RTTN: variants seen among roughly 807,000 people sequenced by gnomAD.
RTTN encodes rotatin.
In RTTN, 182 loss-of-function variants were observed where a neutral mutation model predicts 269.2. The observed-to-expected ratio is 0.68, with a 90% CI of 0.60 to 0.76. The LOEUF is 0.76. RTTN is among the 30% of genes least tolerant of loss of function. The probability of loss-of-function intolerance (pLI) is 0.00; values close to 1 mark genes in which losing one functional copy is unlikely to be tolerated. For missense variants in RTTN, 2,545 were observed against 2,608.6 expected (o/e 0.98, Z 0.53); for synonymous variants, 1,006 against 963.5 (o/e 1.04, Z -0.82).
chr18:70,019,668 T>A (rs1208073265), intron 45 of RTTN: 1 of 152,122 alleles, frequency 6.6e-6, no homozygotes, highest in Non-Finnish European at 1.5e-5. Context: ...CAATGTAACA[T>A]CAACTGGAAT....
intron 14 of RTTN, among the ~76,000 whole-genome samples, chr18:70,154,017 T>C: frequency 6.6e-6 from 1 of 152,150 alleles, no homozygotes; most frequent in East Asian, 1.9e-4. Flanking sequence ...TTTTATTTTA[T>C]CTCCTTCTAC....
chr18:70,139,945 C>A, intron 20 of RTTN, 155 bp downstream of exon 20: 1 of 650,772 alleles, frequency 1.5e-6, no homozygotes. Context: ...ATAGAGACTC[C>A]ACTTTTCGAA....
chr18:70,181,423 TA>T (rs1358877019), intron 10 of RTTN, among the ~76,000 whole-genome samples: 1 of 152,190 alleles, frequency 6.6e-6, no homozygotes, highest in Non-Finnish European at 1.5e-5. Flanking sequence ...GATGGAGGAC[TA>T]GGGGGAATGA....
At chr18:70,145,522 C>A in intron 18 of RTTN, 90 bp downstream of exon 18, 1 of 958,798 alleles carries the variant, frequency 1.0e-6, no homozygotes, top group Non-Finnish European at 1.5e-6. Flanking sequence ...CTCCCCAGGA[C>A]ATACACAAAC....
intron 28 of RTTN, among the ~76,000 whole-genome samples, chr18:70,099,596 T>C (rs568432945): frequency 6.6e-6 from 1 of 152,324 alleles, no homozygotes; most frequent in Admixed American, 6.5e-5. Flanking sequence ...TAGATCCCAT[T>C]TGTCTATTTT....
In RTTN at chr18:70,139,729, G is replaced by A. The variant is rs2060210735; in HGVS notation, c.2671-13C>T. On this transcript the variant is annotated splice_polypyrimidine_tract_variant and intron_variant, in intron 20 of 48. Coordinates refer to ENST00000640769, the MANE Select transcript of RTTN (RefSeq NM_173630.4). ...AACATTCTACAACCTGGGCCAGGAG[G>A]AAAAACACAGCTTTTCATTTTCACC... 1.4e-6 allele frequency: 2 copies of A among 1,471,138 alleles called. No individual in the cohort carries two copies. The highest frequency in any genetic ancestry group is 1.9e-6 in the Non-Finnish European group (2 of 1,052,754). The allele number at this position is 1,471,138 out of a possible 1,614,324, so 91.1% of individuals were successfully genotyped here. A position where few individuals can be genotyped will look rare whatever the true frequency, so the allele number is the denominator to read the frequency against.
intron 26 of RTTN, among the ~76,000 whole-genome samples, chr18:70,117,689 A>G (rs1468059738): frequency 1.3e-5 from 2 of 152,084 alleles, no homozygotes; most frequent in African/African-American, 4.8e-5. Context: ...ATTATAAAAT[A>G]TACATAAACC....
At chr18:70,082,706 T>C (rs2058601617) in intron 32 of RTTN, among the ~76,000 whole-genome samples, 1 of 152,104 alleles carries the variant, frequency 6.6e-6, no homozygotes. Context: ...GTTTTTGTTT[T>C]TAGAGACAGG....
At chr18:70,105,343 G>T (rs2059293727) in intron 28 of RTTN, among the ~76,000 whole-genome samples, 1 of 152,202 alleles carries the variant, frequency 6.6e-6, no homozygotes, top group Admixed American at 6.5e-5. Context: ...TAAGACCATT[G>T]GAAAAGCACA....
intron 32 of RTTN, among the ~76,000 whole-genome samples, chr18:70,083,799 T>A (rs1353505254): frequency 6.6e-6 from 1 of 151,900 alleles, no homozygotes; most frequent in Non-Finnish European, 1.5e-5. Context: ...GTAAGCTGGG[T>A]GTGGCAGCAT....
At chr18:70,038,298 G>C (rs944806583) in intron 40 of RTTN, among the ~76,000 whole-genome samples, 4 of 152,170 alleles carry the variant, frequency 2.6e-5, no homozygotes, top group Non-Finnish European at 2.9e-5. Flanking sequence ...CAGTGGGCTT[G>C]AGAGAAACCC....
intron 16 of RTTN, 107 bp from the exon 17 acceptor site, chr18:70,149,144 G>T: frequency 1.1e-6 from 1 of 880,386 alleles, no homozygotes; most frequent in Admixed American, 2.6e-5. Flanking sequence ...AAATGTCTTT[G>T]GATTCAGTTG....
rs2061313413 is a variant in RTTN at position 70,176,790 on chromosome 18, T to C, written c.1361A>G (p.Lys454Arg). The C allele has an allele frequency of 1.2e-6, 2 of 1,614,098 alleles. No homozygotes were observed. Among genetic ancestry groups the C allele is most frequent in the Non-Finnish European group, 8.5e-7 (1 of 1,179,966 alleles). ...GALGETMCYH[K>R]SSISLEQPEV... is the part of the protein sequence containing the mutation. ...TGGCTGCTCCAAACTGATACTACTT[T>C]TATGGTAGCACATGGTTTCTCCAAG... is the stretch of plus-strand genomic sequence containing the variant. Residue 454 changes from lysine to arginine, a missense_variant, in exon 11 of 49, where the codon AAA becomes AGA. Coordinates refer to ENST00000640769, the MANE Select transcript of RTTN (RefSeq NM_173630.4).
intron 10 of RTTN, among the ~76,000 whole-genome samples, chr18:70,187,553 G>A (rs961493562): frequency 2.0e-5 from 3 of 152,078 alleles, no homozygotes; most frequent in Non-Finnish European, 2.9e-5. Context: ...AATGGGTAAC[G>A]GTAGCTTTAA....
chr18:70,135,675 C>T (rs1002383402), intron 21 of RTTN, among the ~76,000 whole-genome samples: 33 of 152,278 alleles, frequency 2.2e-4, no homozygotes, highest in African/African-American at 6.3e-4. Flanking sequence ...AGTTTCCTCA[C>T]CAAGAGATCT....
At chr18:70,103,337 G>C (rs2059227976) in intron 28 of RTTN, among the ~76,000 whole-genome samples, 1 of 152,000 alleles carries the variant, frequency 6.6e-6, no homozygotes, top group Non-Finnish European at 1.5e-5. Context: ...GTGGGGAAAA[G>C]AAAGAGAGAT....
rs1157402106 is a variant in RTTN, at chr18:70,188,213, T to A, written c.1200A>T (p.Gln400His). The change falls in exon 10 of 49, where the codon CAA (glutamine) becomes CAT (histidine). Residue 400 changes from glutamine (Q) to histidine (H), a missense_variant. Transcript: ENST00000640769. The stretch of plus-strand genomic sequence containing the variant: ...GCAATTCCAGAACTCTTATTATCAC[T>A]TGTCTGCTACCTAGGAATACAAACA... ...AVPLLRTGSR[Q>H]VIIRVLELLT... 6.3e-7 allele frequency: 1 copy of A among 1,586,516 alleles called. No individual in the cohort carries two copies. The highest frequency in any genetic ancestry group is 1.7e-5 in the Admixed American group (1 of 59,586).
At chr18:70,104,148 T>C (rs2059256851) in intron 28 of RTTN, among the ~76,000 whole-genome samples, 1 of 152,248 alleles carries the variant, frequency 6.6e-6, no homozygotes, top group African/African-American at 2.4e-5. Flanking sequence ...ATTTGGTCTT[T>C]TCACATAGTC....
At chr18:70,165,512 T>C (rs937802228) in intron 14 of RTTN, among the ~76,000 whole-genome samples, 1 of 151,904 alleles carries the variant, frequency 6.6e-6, no homozygotes, top group Non-Finnish European at 1.5e-5. Flanking sequence ...AAATAGTACT[T>C]ACAAGAGTGT....
Sources: gnomAD v4.1 joint callset for allele counts (sites outside exome capture counted in the v4.1 genomes callset) on GRCh38, gnomAD v4.1.1 for gene constraint, MANE v1.5 for transcripts, NCBI Gene and HGNC (gene_info 2026-07-23, HGNC 2026-07-21) for gene names.